The following EPG5 variants were observed in gnomAD, a reference collection of about 807,000 sequenced individuals.
The protein encoded by EPG5 is ectopic P granules protein 5 homolog.
EPG5 carries 159 observed loss-of-function variants against 302.7 expected under a neutral mutation model. The observed-to-expected ratio is 0.53, with a 90% CI of 0.46 to 0.60. EPG5 has a LOEUF of 0.60. Ranked by LOEUF, EPG5 falls within the 20% of genes least tolerant of loss-of-function variation. EPG5 has a pLI of 0.00. For synonymous variants in EPG5, 1,158 were observed against 1,136.8 expected (o/e 1.02, Z -0.37); for missense variants, 2,896 against 3,092.4 (o/e 0.94, Z 1.51).
chr18:45,934,472 G>A (rs956866090), intron 11 of EPG5, among the ~76,000 whole-genome samples: 1 of 152,020 alleles, frequency 6.6e-6, no homozygotes, highest in African/African-American at 2.4e-5. Context: ...TGGGCACAAA[G>A]CCTTAACAAA....
At chr18:45,834,912 A>T in the EPG5 span, among the ~76,000 whole-genome samples, 119 of 152,344 alleles carry the variant, frequency 7.8e-4, no homozygotes, top group African/African-American at 2.8e-3. Flanking sequence ...GATTGGAGAG[A>T]TGCTTTCTGC....
At chr18:45,912,200 C>A (rs1206665822) in intron 22 of EPG5, 90 bp downstream of exon 22, 17 of 1,214,574 alleles carry the variant, frequency 1.4e-5, no homozygotes, top group Non-Finnish European at 1.9e-5. Flanking sequence ...ATGATTCCAA[C>A]TCACACTCCA....
Position 45,858,774 on chromosome 18 carries a change from T to G in EPG5, c.7018A>C (p.Asn2340His), listed in dbSNP as rs200080895. 72 of 1,612,318 alleles carry G rather than the reference T, an allele frequency of 4.5e-5. No individual in the cohort carries two copies. Among genetic ancestry groups the G allele is most frequent in the Non-Finnish European group, 2.3e-5 (27 of 1,178,550 alleles). Residue 2340 changes from asparagine (N) to histidine (H), a missense_variant, in exon 41 of 44, where the codon AAT (asparagine) becomes CAT (histidine). Physicochemically the swap from Asn to His is moderately conservative, Grantham distance 68 (BLOSUM62 1). This residue lies in a region of EPG5 where 620 missense variants were observed against 704.2 expected (regional missense o/e 0.88). Transcript: ENST00000282041. Reference protein sequence around the residue: ...ITAYFKESPLNQNSGWGPILV... With the variant: ...ITAYFKESPLHQNSGWGPILV... ...ATGGGTCCCCATCCTGAATTCTGAT[T>G]GAGAGGGCCTAAGAACATGAAGAAG...
chr18:45,867,122 G>T, intron 37 of EPG5, 115 bp from the exon 38 acceptor site: 1 of 711,286 alleles, frequency 1.4e-6, no homozygotes, highest in Non-Finnish European at 2.4e-6. Context: ...GCACAGAACA[G>T]TTATGATATC....
At chr18:45,957,032 T>G (rs1396394881) in intron 1 of EPG5, among the ~76,000 whole-genome samples, 1 of 151,928 alleles carries the variant, frequency 6.6e-6, no homozygotes, top group African/African-American at 2.4e-5. Flanking sequence ...TCAAACAGAC[T>G]AAAAACCTCA....
chr18:45,887,822 C>T lies in EPG5; in HGVS notation c.5038G>A (p.Val1680Ile), dbSNP rs936499337. 15 of 1,604,626 alleles carry T rather than the reference C, an allele frequency of 9.3e-6. No homozygotes were observed. Among genetic ancestry groups the T allele is most frequent in the Non-Finnish European group, 1.1e-5 (13 of 1,172,988 alleles). Residue 1680 changes from valine to isoleucine, a missense_variant, in exon 29 of 44, where the codon GTC becomes ATC. Around this residue, in one of 5 missense-constraint regions of EPG5, gnomAD observed 790 missense variants for 798.0 expected, o/e 0.99. Transcript: ENST00000282041. ...GGATGACGCTGCGTCTCATCGCTGACGTAATCCACAATAGTAAAGAAAAGG... is the reference window on the plus strand; with the variant it reads ...GGATGACGCTGCGTCTCATCGCTGATGTAATCCACAATAGTAAAGAAAAGG... ...ISLFFTIVDY[V>I]SDETQRHPPT...
At chr18:45,933,249 A>T (rs762634030) in intron 11 of EPG5, among the ~76,000 whole-genome samples, 24 of 152,218 alleles carry the variant, frequency 1.6e-4, no homozygotes, top group Non-Finnish European at 2.8e-4. Flanking sequence ...GAAGCACTTT[A>T]CAAAGAATAA....
chr18:45,838,311 A>T, the EPG5 span, among the ~76,000 whole-genome samples: 1 of 152,148 alleles, frequency 6.6e-6, no homozygotes, highest in African/African-American at 2.4e-5. Flanking sequence ...AGTAGTGCCT[A>T]GCACTTTGCC....
chr18:45,938,808 T>C (rs1414400075), intron 10 of EPG5, among the ~76,000 whole-genome samples: 1 of 152,166 alleles, frequency 6.6e-6, no homozygotes, highest in East Asian at 1.9e-4. Flanking sequence ...TAACAGTAAA[T>C]GGCAGACCAA....
intron 1 of EPG5, among the ~76,000 whole-genome samples, chr18:45,966,022 T>C (rs548953266): frequency 6.8e-6 from 1 of 147,046 alleles, no homozygotes; most frequent in East Asian, 2.1e-4. Context: ...TCCGCCGAGA[T>C]TGCACTCCAG....
In EPG5 at chr18:45,875,942, A is replaced by G. The variant is rs7235800; in HGVS notation, c.6049+294T>C. Among the ~76,000 whole-genome samples the G allele has an allele frequency of 2.9e-3, 442 of 152,072 alleles. 6 individuals are homozygous for G. Among genetic ancestry groups the G allele is most frequent in the African/African-American group, 0.01 (427 of 41,478 alleles). On this transcript the variant is annotated intron_variant, in intron 35 of 43. Coordinates refer to ENST00000282041, the MANE Select transcript of EPG5 (RefSeq NM_020964.3). Reference sequence around the variant, plus strand: ...TGTGGCGGCATGCGCTTGTAGTCCCAGCTACTCGGGAGGCTGAGGCAGGAG... The same window carrying G: ...TGTGGCGGCATGCGCTTGTAGTCCCGGCTACTCGGGAGGCTGAGGCAGGAG...
At chr18:45,931,576 G>A (rs2145824147) in intron 11 of EPG5, among the ~76,000 whole-genome samples, 1 of 152,288 alleles carries the variant, frequency 6.6e-6, no homozygotes, top group African/African-American at 2.4e-5. Context: ...GCTCACACCT[G>A]TAATCCCAGC....
At chr18:45,904,237 C>A (rs2049695066) in intron 24 of EPG5, 120 bp from the exon 25 acceptor site, 1 of 1,096,610 alleles carries the variant, frequency 9.1e-7, no homozygotes. Flanking sequence ...TACTCCAAGT[C>A]CTCCACCATT....
rs72918369 is a variant in EPG5, at chr18:45,943,520, T to G, written c.1793-209A>C. Among the ~76,000 whole-genome samples the G allele has an allele frequency of 0.1, 15,155 of 152,100 alleles. 886 individuals carry two copies. Among genetic ancestry groups the G allele is most frequent in the African/African-American group, 0.16 (6,790 of 41,468 alleles). On this transcript the variant is annotated intron_variant, in intron 8 of 43. Transcript: ENST00000282041. ...AAACAATTTATTTAAGTTGGGAATG[T>G]GCAAGCTAGCTAGCTTTCTCACATT...
intron 25 of EPG5, among the ~76,000 whole-genome samples, chr18:45,902,593 A>C (rs1055896322): frequency 6.6e-6 from 1 of 152,254 alleles, no homozygotes; most frequent in African/African-American, 2.4e-5. Flanking sequence ...TAAGAAAAAG[A>C]AATTGCTATC....
At chr18:45,841,332 G>A in the EPG5 span, among the ~76,000 whole-genome samples, 2 of 152,150 alleles carry the variant, frequency 1.3e-5, no homozygotes, top group Non-Finnish European at 2.9e-5. Context: ...GGGCAGCCCG[G>A]GAGAGGAAAA....
Position 45,955,209 on chromosome 18 carries a change from C to G in EPG5, c.193G>C (p.Asp65His), listed in dbSNP as rs2051000626. ...FKGDHLKVVT[D>H]SQLQDDASGQ... ...CTGGCATCATCCTGGAGCTGGGAAT[C>G]AGTTACCACCTTCAGATGGTCTCCT... Residue 65 changes from aspartate (D) to histidine (H), a missense_variant, in exon 2 of 44, where the codon GAT becomes CAT. Physicochemically the swap from Asp to His is moderately conservative, Grantham distance 81. Around this residue, in one of 5 missense-constraint regions of EPG5, gnomAD observed 1,390 missense variants for 1,430.0 expected, o/e 0.97. Transcript: ENST00000282041. The G allele has an allele frequency of 6.2e-7, 1 of 1,614,030 alleles. No individual in the cohort carries two copies. The highest frequency in any genetic ancestry group is 1.1e-5 in the South Asian group (1 of 91,080).
intron 9 of EPG5, 67 bp downstream of exon 9, chr18:45,943,094 A>G (rs373154744): frequency 1.0e-5 from 15 of 1,474,276 alleles, no homozygotes; most frequent in East Asian, 6.8e-5. Flanking sequence ...CATCATCCCA[A>G]TTATGCAGTA....
intron 24 of EPG5, among the ~76,000 whole-genome samples, chr18:45,905,793 TCA>T (rs2049736226): frequency 6.6e-6 from 1 of 152,140 alleles, no homozygotes; most frequent in African/African-American, 2.4e-5. Flanking sequence ...AGGATAAATC[TCA>T]GAGAACCAAG....
Sources: allele counts gnomAD v4.1 joint callset (sites outside exome capture counted in the v4.1 genomes callset), GRCh38; gene constraint gnomAD v4.1.1; regional missense constraint gnomAD v4.1.1; transcripts MANE v1.5; gene names NCBI Gene and HGNC (gene_info 2026-07-23, HGNC 2026-07-21).